STARD13: variants seen among roughly 807,000 people sequenced by gnomAD.
The protein encoded by STARD13 is StAR related lipid transfer domain containing 13, also known as stAR-related lipid transfer protein 13.
A neutral mutation model predicts 106.4 loss-of-function variants in STARD13; 62 were observed. The observed-to-expected ratio is 0.58, with a 90% CI of 0.48 to 0.72. The LOEUF is 0.72. STARD13 is among the 30% of genes least tolerant of loss of function. The pLI, the probability that STARD13 is intolerant of heterozygous loss-of-function variation, is 0.00. For synonymous variants in STARD13, 565 were observed against 553.0 expected (o/e 1.02, Z -0.31); for missense variants, 1,387 against 1,424.0 (o/e 0.97, Z 0.42).
At position 33,127,365 on chromosome 13, in the gene STARD13, C is replaced by G; in HGVS notation, c.1922+8G>C. 1 of 1,584,990 alleles carries G rather than the reference C, an allele frequency of 6.3e-7. No individual in the cohort carries two copies. The highest frequency in any genetic ancestry group is 8.6e-7 in the Non-Finnish European group (1 of 1,166,346). ...AAGGATCCCCTCCTAGGTGAATGTG[C>G]TACGCACCATGTCCAGCCGTGCTTG... On this transcript the variant is annotated splice_region_variant and intron_variant, in intron 6 of 13. Transcript: ENST00000336934.
chr13:33,510,752 G>T, the STARD13 span, among the ~76,000 whole-genome samples: 1 of 152,146 alleles, frequency 6.6e-6, no homozygotes, highest in Non-Finnish European at 1.5e-5. Flanking sequence ...CAATAATGCA[G>T]CCAACTTCAA....
In STARD13 at chr13:33,203,381, G is replaced by A. The variant is rs1887190056; in HGVS notation, c.170-35759C>T. 1.3e-5 allele frequency among the ~76,000 whole-genome samples: 2 copies of A among 152,142 alleles called. 1 individual carries two copies. Among genetic ancestry groups the A allele is most frequent in the African/African-American group, 4.8e-5 (2 of 41,442 alleles). On this transcript the variant is annotated intron_variant, in intron 1 of 13. Transcript: ENST00000336934. ...TGCTGCTATGCTATCAGTTTTACTG[G>A]ATTATTTTGAAAGATGAAGTGGATG...
the STARD13 span, among the ~76,000 whole-genome samples, chr13:33,618,571 G>A: frequency 6.6e-6 from 1 of 151,060 alleles, no homozygotes; most frequent in African/African-American, 2.4e-5. Context: ...GCCAGATATT[G>A]AGGATACAAA....
At chr13:33,499,582 CTT>C in the STARD13 span, among the ~76,000 whole-genome samples, 1 of 69,816 alleles carries the variant, frequency 1.4e-5, no homozygotes, top group African/African-American at 5.3e-5. Flanking sequence ...TCTTCTTCTT[CTT>C]CTTCTTCTTC....
At chr13:33,595,790 AAATC>A in the STARD13 span, among the ~76,000 whole-genome samples, 1 of 152,204 alleles carries the variant, frequency 6.6e-6, no homozygotes, top group Non-Finnish European at 1.5e-5. Context: ...GCTAGGTTTT[AAATC>A]TTGTGATTTA....
the STARD13 span, among the ~76,000 whole-genome samples, chr13:33,516,403 T>C: frequency 1.3e-5 from 2 of 151,614 alleles, no homozygotes; most frequent in African/African-American, 4.8e-5. Flanking sequence ...CATCATCATA[T>C]TTTAATTCAA....
chr13:33,473,976 T>G, the STARD13 span, among the ~76,000 whole-genome samples: 1 of 152,144 alleles, frequency 6.6e-6, no homozygotes, highest in Admixed American at 6.5e-5. Flanking sequence ...TCTTGGGACT[T>G]TGTTGTTGCA....
At chr13:33,107,237 G>A (rs947932515) in intron 12 of STARD13, among the ~76,000 whole-genome samples, 6 of 152,030 alleles carry the variant, frequency 3.9e-5, no homozygotes, top group African/African-American at 1.2e-4. Flanking sequence ...CGAAGAGGTG[G>A]TTTTACAGTT....
the STARD13 span, chr13:33,611,120 T>C: frequency 6.6e-6 from 1 of 152,266 alleles, no homozygotes; most frequent in Non-Finnish European, 1.5e-5. Flanking sequence ...GACGTGGCTT[T>C]CCTGCCTTAA....
chr13:33,125,890 T>C (rs970174116), intron 7 of STARD13, among the ~76,000 whole-genome samples, 191 bp downstream of exon 7: 1 of 152,206 alleles, frequency 6.6e-6, no homozygotes, highest in African/African-American at 2.4e-5. Flanking sequence ...AAGTTGCCAA[T>C]GAGGAAACAT....
At chr13:33,231,676 T>C (rs1888929376) in intron 1 of STARD13, among the ~76,000 whole-genome samples, 1 of 152,174 alleles carries the variant, frequency 6.6e-6, no homozygotes, top group Non-Finnish European at 1.5e-5. Context: ...TGTTAAAGAA[T>C]GGCCTTGGTC....
At chr13:33,615,780 C>T in the STARD13 span, among the ~76,000 whole-genome samples, 1 of 152,136 alleles carries the variant, frequency 6.6e-6, no homozygotes, top group South Asian at 2.1e-4. Flanking sequence ...GCTCTGCACC[C>T]AAAGAAGCCT....
At chr13:33,592,739 A>G in the STARD13 span, among the ~76,000 whole-genome samples, 3 of 152,236 alleles carry the variant, frequency 2.0e-5, no homozygotes, top group African/African-American at 7.2e-5. Flanking sequence ...TGACACAAGC[A>G]TACACTGAGA....
the STARD13 span, among the ~76,000 whole-genome samples, chr13:33,609,855 A>T: frequency 6.6e-6 from 1 of 152,194 alleles, no homozygotes; most frequent in Non-Finnish European, 1.5e-5. Flanking sequence ...GGCGTGAGCC[A>T]CTGCGCCCGG....
chr13:33,299,440 T>G (rs555584332), intron 1 of STARD13, among the ~76,000 whole-genome samples: 42 of 152,338 alleles, frequency 2.8e-4, no homozygotes, highest in African/African-American at 1.0e-3. Context: ...CTATTTCCAC[T>G]AATGCACCTC....
the STARD13 span, among the ~76,000 whole-genome samples, chr13:33,592,785 T>C: frequency 1.4e-5 from 2 of 141,672 alleles, no homozygotes; most frequent in Non-Finnish European, 3.0e-5. Context: ...TAGTTTTAAA[T>C]TGATGTGAAA....
chr13:33,108,457 T>C (rs1256265735), intron 12 of STARD13, among the ~76,000 whole-genome samples: 1 of 152,172 alleles, frequency 6.6e-6, no homozygotes, highest in Non-Finnish European at 1.5e-5. Context: ...GCCCTGACCA[T>C]TCTATTTAAA....
the STARD13 span, among the ~76,000 whole-genome samples, chr13:33,528,188 T>TAC: frequency 1.7e-4 from 24 of 137,744 alleles, no homozygotes; most frequent in Middle Eastern, 3.6e-3. Context: ...TATATATATA[T>TAC]ACACACACAC....
chr13:33,306,956 G>GA (rs1892931044), intron 1 of STARD13, among the ~76,000 whole-genome samples: 1 of 96,586 alleles, frequency 1.0e-5, no homozygotes, highest in Non-Finnish European at 2.2e-5. Context: ...TCTCAAAAAA[G>GA]AAACAAAAAA....
Sources: allele counts gnomAD v4.1 joint callset (sites outside exome capture counted in the v4.1 genomes callset), GRCh38; gene constraint gnomAD v4.1.1; transcripts MANE v1.5; gene names NCBI Gene and HGNC (gene_info 2026-07-23, HGNC 2026-07-21).